DOCK2: variants seen among roughly 807,000 people sequenced by gnomAD.
DOCK2 encodes the protein dedicator of cytokinesis protein 2.
In DOCK2, 87 loss-of-function variants were observed where a neutral mutation model predicts 248.9. That is an observed-to-expected ratio of 0.35 (90% confidence interval 0.29 to 0.42). The LOEUF (loss-of-function observed/expected upper bound fraction) is 0.42. Among genes scored for constraint, DOCK2 ranks in the 10% least tolerant of loss-of-function variants. The probability of loss-of-function intolerance (pLI) is 1.00; values close to 1 mark genes in which losing one functional copy is unlikely to be tolerated. For missense variants in DOCK2, 1,747 were observed against 2,300.2 expected (o/e 0.76, Z 4.92); for synonymous variants, 805 against 821.6 (o/e 0.98, Z 0.35).
chr5:169,908,558 A>G (rs1443145396), intron 27 of DOCK2, among the ~76,000 whole-genome samples: 1 of 152,146 alleles, frequency 6.6e-6, no homozygotes, highest in African/African-American at 2.4e-5. Flanking sequence ...CTTAAAGCAT[A>G]TGGGTCCTGG....
intron 22 of DOCK2, among the ~76,000 whole-genome samples, chr5:169,727,956 G>A (rs765718619): frequency 7.2e-5 from 11 of 152,140 alleles, no homozygotes; most frequent in Non-Finnish European, 1.0e-4. Context: ...AGATGGAGAC[G>A]GGTGATCAAT....
intron 21 of DOCK2, 32 bp from the exon 22 acceptor site, chr5:169,718,625 G>C (rs1459252576): frequency 1.3e-6 from 2 of 1,599,986 alleles, no homozygotes; most frequent in East Asian, 2.2e-5. Context: ...TGATGAAAGA[G>C]ATGTATTTTG....
At chr5:169,680,748 A>G (rs981848952) in intron 6 of DOCK2, among the ~76,000 whole-genome samples, 3 of 151,930 alleles carry the variant, frequency 2.0e-5, no homozygotes, top group African/African-American at 7.3e-5. Flanking sequence ...ATAAATTGAG[A>G]CAAGGCACAT....
At chr5:170,036,461 C>T (rs1004496343) in intron 35 of DOCK2, 54 bp from the exon 36 acceptor site, 15 of 1,564,582 alleles carry the variant, frequency 9.6e-6, no homozygotes, top group Middle Eastern at 1.7e-4. Flanking sequence ...CACCCTTGAC[C>T]GCTGTGATAT....
At chr5:169,675,157 G>T (rs1759260463) in intron 6 of DOCK2, among the ~76,000 whole-genome samples, 1 of 152,200 alleles carries the variant, frequency 6.6e-6, no homozygotes, top group South Asian at 2.1e-4. Context: ...TAGGTAACTT[G>T]TCCAGAGTCG....
intron 41 of DOCK2, among the ~76,000 whole-genome samples, chr5:170,052,306 T>C (rs1228740389): frequency 6.6e-6 from 1 of 152,102 alleles, no homozygotes; most frequent in African/African-American, 2.4e-5. Context: ...CAAATATGAA[T>C]TTGGTTATAG....
At chr5:170,021,077 G>C (rs1195449830) in intron 33 of DOCK2, among the ~76,000 whole-genome samples, 2 of 152,240 alleles carry the variant, frequency 1.3e-5, no homozygotes, top group African/African-American at 4.8e-5. Context: ...ATCACTGTGA[G>C]AGGTAGCATT....
At chr5:169,886,214 C>T (rs1021440013) in intron 27 of DOCK2, among the ~76,000 whole-genome samples, 7 of 152,148 alleles carry the variant, frequency 4.6e-5, no homozygotes, top group Admixed American at 6.5e-5. Flanking sequence ...ACAGAATGAG[C>T]AGAGTTTCAT....
chr5:170,031,161 C>A (rs184944718), intron 34 of DOCK2, among the ~76,000 whole-genome samples: 4 of 152,154 alleles, frequency 2.6e-5, no homozygotes. Flanking sequence ...TTCATTCCTG[C>A]GAATAGTTCT....
At chr5:169,688,087 G>T (rs150840102) in intron 8 of DOCK2, among the ~76,000 whole-genome samples, 6,166 of 152,176 alleles carry the variant, frequency 0.041, 146 homozygotes, top group Middle Eastern at 0.099. Context: ...ACCATGCCTG[G>T]CTAATTTTTT....
At chr5:170,029,018 G>A (rs375873287) in intron 34 of DOCK2, among the ~76,000 whole-genome samples, 2 of 151,924 alleles carry the variant, frequency 1.3e-5, no homozygotes, top group Non-Finnish European at 1.5e-5. Context: ...TTTACTATTC[G>A]TATTGATTCT....
intron 27 of DOCK2, among the ~76,000 whole-genome samples, chr5:169,893,576 A>T (rs924590416): frequency 6.6e-6 from 1 of 151,650 alleles, no homozygotes; most frequent in African/African-American, 2.4e-5. Flanking sequence ...GCTCAAACAG[A>T]TAGAAGAATC....
rs10077069 is a variant in DOCK2, at chr5:169,868,818, G to A, written c.2799+27966G>A. Among the ~76,000 whole-genome samples the A allele has an allele frequency of 5.2e-3, 790 of 152,274 alleles. 11 individuals carry two copies. The highest frequency in any genetic ancestry group is 0.018 in the African/African-American group (746 of 41,552). On this transcript the variant is annotated intron_variant, in intron 27 of 51. Transcript: ENST00000520908. The stretch of plus-strand genomic sequence containing the variant: ...TCTAGAATGTGTATGGAACTTGCAG[G>A]CCTGGGTAGAAAAGACCGGGAGATG...
At chr5:169,646,729 C>T (rs188552165) in intron 1 of DOCK2, among the ~76,000 whole-genome samples, 180 of 152,282 alleles carry the variant, frequency 1.2e-3, no homozygotes, top group Non-Finnish European at 2.2e-3. Context: ...ATTGTAATGT[C>T]GCCAAAACTC....
intron 27 of DOCK2, among the ~76,000 whole-genome samples, chr5:169,896,534 T>G (rs930899734): frequency 2.6e-5 from 4 of 152,258 alleles, no homozygotes; most frequent in African/African-American, 9.6e-5. Context: ...CTTAAGAAGC[T>G]GGCTGTAAGA....
At chr5:169,683,378 T>C (rs1381206483) in intron 7 of DOCK2, among the ~76,000 whole-genome samples, 2 of 141,256 alleles carry the variant, frequency 1.4e-5, no homozygotes, top group African/African-American at 5.4e-5. Context: ...CACAGGTGCA[T>C]GCCAACATGC....
intron 2 of DOCK2, among the ~76,000 whole-genome samples, chr5:169,656,513 A>G (rs913916736): frequency 4.6e-5 from 7 of 152,090 alleles, no homozygotes; most frequent in African/African-American, 1.7e-4. Context: ...GGGTTTCGCC[A>G]TGTTGGCCAG....
chr5:169,885,391 T>C (rs1772915143), intron 27 of DOCK2, among the ~76,000 whole-genome samples: 1 of 152,152 alleles, frequency 6.6e-6, no homozygotes, highest in Admixed American at 6.5e-5. Context: ...CAGGTCCTTG[T>C]GAATTAAAGA....
At position 169,882,679 on chromosome 5, in the gene DOCK2, C is replaced by T. The variant is rs1045505118; in HGVS notation, c.2799+41827C>T. On this transcript the variant is annotated intron_variant, in intron 27 of 51. Coordinates refer to ENST00000520908, the MANE Select transcript of DOCK2 (RefSeq NM_004946.3). ...TCGGCCTTGGAGGTCGCAGAGTTCACCCCGTGCCAGGTGAATTTGATTAAT... is the reference window on the plus strand; with the variant it reads ...TCGGCCTTGGAGGTCGCAGAGTTCATCCCGTGCCAGGTGAATTTGATTAAT... The T allele has an allele frequency of 3.2e-6, 5 of 1,551,974 alleles. No homozygotes were observed. In the African/African-American group the frequency reaches 6.8e-5, roughly 21 times the overall value.
Sources: gnomAD v4.1 joint callset for allele counts (sites outside exome capture counted in the v4.1 genomes callset) on GRCh38, gnomAD v4.1.1 for gene constraint, MANE v1.5 for transcripts, NCBI Gene and HGNC (gene_info 2026-07-23, HGNC 2026-07-21) for gene names.